Variants in CNTNAP2 observed in about 807,000 individuals in gnomAD.
CNTNAP2 encodes the protein contactin associated protein 2.
In CNTNAP2, 98 loss-of-function variants were observed where a neutral mutation model predicts 155.2. The ratio of observed to expected loss-of-function variants is 0.63; its 90% CI spans 0.54 to 0.75. The LOEUF is 0.75. Ranked by LOEUF, CNTNAP2 falls within the 30% of genes least tolerant of loss-of-function variation. The pLI, the probability that CNTNAP2 is intolerant of heterozygous loss-of-function variation, is 0.00. For missense variants in CNTNAP2, 1,727 were observed against 1,688.1 expected (o/e 1.02, Z -0.40); for synonymous variants, 651 against 631.2 (o/e 1.03, Z -0.47).
intron 3 of CNTNAP2, among the ~76,000 whole-genome samples, chr7:146,913,091 T>C (rs887040120): frequency 6.6e-6 from 1 of 152,166 alleles, no homozygotes; most frequent in Admixed American, 6.6e-5. Flanking sequence ...CTGGGTTAGA[T>C]AAATCAGCAA....
intron 21 of CNTNAP2, among the ~76,000 whole-genome samples, chr7:148,367,367 AT>A (rs1798803985): frequency 6.6e-6 from 1 of 152,234 alleles, no homozygotes; most frequent in African/African-American, 2.4e-5. Flanking sequence ...GAAGAAAAAA[AT>A]GAACTGTTAA....
At chr7:147,974,512 C>T (rs1801392130) in intron 14 of CNTNAP2, among the ~76,000 whole-genome samples, 1 of 152,136 alleles carries the variant, frequency 6.6e-6, no homozygotes, top group African/African-American at 2.4e-5. Flanking sequence ...GTAATCCCAG[C>T]TACTAGGGAA....
intron 1 of CNTNAP2, among the ~76,000 whole-genome samples, chr7:146,581,787 T>G (rs1395544784): frequency 6.6e-6 from 1 of 152,128 alleles, no homozygotes; most frequent in Admixed American, 6.6e-5. Context: ...AACAGGATGC[T>G]AAGGTACAGA....
At chr7:146,883,104 G>A (rs919233348) in intron 3 of CNTNAP2, among the ~76,000 whole-genome samples, 1 of 152,134 alleles carries the variant, frequency 6.6e-6, no homozygotes, top group African/African-American at 2.4e-5. Flanking sequence ...TACCGTAACT[G>A]TAAATTTGTT....
At chr7:147,425,222 A>T (rs2116516518) in intron 10 of CNTNAP2, among the ~76,000 whole-genome samples, 1 of 151,478 alleles carries the variant, frequency 6.6e-6, no homozygotes, top group East Asian at 2.0e-4. Flanking sequence ...GACAAAAAAA[A>T]AAAATTGTTA....
At chr7:147,504,121 C>T (rs1313510343) in intron 11 of CNTNAP2, among the ~76,000 whole-genome samples, 1 of 152,128 alleles carries the variant, frequency 6.6e-6, no homozygotes, top group Non-Finnish European at 1.5e-5. Context: ...CTCAGAGCAC[C>T]AATTCCAAAC....
intron 3 of CNTNAP2, among the ~76,000 whole-genome samples, chr7:146,840,868 T>TA (rs746546553): frequency 3.9e-5 from 6 of 152,220 alleles, no homozygotes; most frequent in African/African-American, 1.2e-4. Flanking sequence ...GTCCTGATAA[T>TA]AAAAAATGTG....
In CNTNAP2 at chr7:147,893,451, A is replaced by G. The variant is rs1402565429; in HGVS notation, c.2099-10114A>G. Among the ~76,000 whole-genome samples, 3 of 152,208 alleles carry G rather than the reference A, an allele frequency of 2.0e-5. No individual in the cohort carries two copies. In the East Asian group the frequency reaches 5.8e-4, roughly 29 times the overall value. On this transcript the variant is annotated intron_variant, in intron 13 of 23. Coordinates refer to ENST00000361727, the MANE Select transcript of CNTNAP2 (RefSeq NM_014141.6). ...ATTGGTATCCCAATGGCACCCAGTCATCTGGGCCTCTTTGTTTCTTTATAG... is the reference window on the plus strand; with the variant it reads ...ATTGGTATCCCAATGGCACCCAGTCGTCTGGGCCTCTTTGTTTCTTTATAG...
At chr7:148,351,329 G>A (rs115553875) in intron 21 of CNTNAP2, among the ~76,000 whole-genome samples, 1,725 of 152,144 alleles carry the variant, frequency 0.011, 31 homozygotes, top group African/African-American at 0.039. Context: ...GCAGGAGGCT[G>A]GAAGTATAAC....
At chr7:148,187,261 T>A (rs1348597964) in intron 18 of CNTNAP2, among the ~76,000 whole-genome samples, 2 of 152,154 alleles carry the variant, frequency 1.3e-5, no homozygotes, top group East Asian at 3.9e-4. Flanking sequence ...CATGCTTTTG[T>A]GTTAATAGCA....
chr7:146,596,597 G>GAC (rs565228864), intron 1 of CNTNAP2, among the ~76,000 whole-genome samples: 1,081 of 38,456 alleles, frequency 0.028, 6 homozygotes, highest in East Asian at 0.073. Context: ...AAGGGAGACA[G>GAC]AGAGAGAGAG....
intron 1 of CNTNAP2, among the ~76,000 whole-genome samples, chr7:146,279,799 T>A (rs922922686): frequency 6.6e-6 from 1 of 151,666 alleles, no homozygotes; most frequent in Non-Finnish European, 1.5e-5. Context: ...AAAAATAATA[T>A]GCATAATAAT....
intron 12 of CNTNAP2, among the ~76,000 whole-genome samples, chr7:147,613,871 A>G (rs2116881141): frequency 6.6e-6 from 1 of 152,188 alleles, no homozygotes; most frequent in East Asian, 1.9e-4. Flanking sequence ...TAGAAATGTT[A>G]TTTTGTGCTT....
In CNTNAP2 at chr7:147,145,634, G is replaced by T. The variant is rs142949571; in HGVS notation, c.1348+13125G>T. Among the ~76,000 whole-genome samples the T allele has an allele frequency of 6.6e-5, 10 of 152,162 alleles. No individual in the cohort carries two copies. The East Asian group carries it at 1.9e-3, about 30-fold the overall frequency. On this transcript the variant is annotated intron_variant, in intron 8 of 23. Coordinates refer to ENST00000361727, the MANE Select transcript of CNTNAP2 (RefSeq NM_014141.6). Reference sequence around the variant, plus strand: ...ACAAGTTAACACGTTTAGACAAGCTGATTCCTGTAGTCCCTTTTAGGTTTG... The same window carrying T: ...ACAAGTTAACACGTTTAGACAAGCTTATTCCTGTAGTCCCTTTTAGGTTTG...
intron 8 of CNTNAP2, among the ~76,000 whole-genome samples, chr7:147,141,322 C>A (rs866777949): frequency 6.6e-6 from 1 of 152,130 alleles, no homozygotes; most frequent in African/African-American, 2.4e-5. Flanking sequence ...TCAAGGGCAT[C>A]TTATTGCCTA....
chr7:147,030,776 T>C (rs1287994326), intron 3 of CNTNAP2, among the ~76,000 whole-genome samples: 1 of 152,166 alleles, frequency 6.6e-6, no homozygotes, highest in Non-Finnish European at 1.5e-5. Flanking sequence ...CCTAGCACTT[T>C]AAGAGGCCAA....
chr7:148,038,589 A>G (rs1488269656), intron 15 of CNTNAP2, among the ~76,000 whole-genome samples: 1 of 152,162 alleles, frequency 6.6e-6, no homozygotes, highest in Non-Finnish European at 1.5e-5. Flanking sequence ...GAAGTCAAGG[A>G]TCATCTTATA....
intron 16 of CNTNAP2, among the ~76,000 whole-genome samples, chr7:148,144,977 G>T (rs1415970145): frequency 1.3e-5 from 2 of 152,184 alleles, no homozygotes; most frequent in Non-Finnish European, 1.5e-5. Context: ...CTGGCTGTCT[G>T]ACTGGGGGAT....
At chr7:147,600,579 G>T (rs1800924151) in intron 12 of CNTNAP2, among the ~76,000 whole-genome samples, 1 of 152,150 alleles carries the variant, frequency 6.6e-6, no homozygotes, top group African/African-American at 2.4e-5. Context: ...TTAGCTGGAA[G>T]ACTGGGCCAA....
Sources: allele counts gnomAD v4.1 joint callset (sites outside exome capture counted in the v4.1 genomes callset), GRCh38; gene constraint gnomAD v4.1.1; transcripts MANE v1.5; gene names NCBI Gene and HGNC (gene_info 2026-07-23, HGNC 2026-07-21).